AGBL4: variants seen among roughly 807,000 people sequenced by gnomAD.
AGBL4 encodes cytosolic carboxypeptidase 6.
In AGBL4, 58 loss-of-function variants were observed where a neutral mutation model predicts 66.4. That is an observed-to-expected ratio of 0.87 (90% CI 0.71 to 1.09). The LOEUF is 1.09. AGBL4 is among the 50% of genes least tolerant of loss of function. AGBL4 has a pLI of 0.00. For missense variants in AGBL4, 579 were observed against 631.0 expected, an observed-to-expected ratio of 0.92 and a Z score of 0.88; for synonymous variants, 234 against 222.9, an observed-to-expected ratio of 1.05 and a Z score of -0.44.
At chr1:48,592,163 C>A (rs1248622372) in intron 9 of AGBL4, among the ~76,000 whole-genome samples, 1 of 152,142 alleles carries the variant, frequency 6.6e-6, no homozygotes, top group Non-Finnish European at 1.5e-5. Context: ...CACAGAATAA[C>A]GGGGACTGAC....
intron 3 of AGBL4, among the ~76,000 whole-genome samples, chr1:49,451,010 A>G (rs1333373488): frequency 6.6e-6 from 1 of 152,084 alleles, no homozygotes; most frequent in Non-Finnish European, 1.5e-5. Flanking sequence ...TGAAATCAAG[A>G]TATCAGCTGG....
At chr1:49,920,672 A>G (rs908497146) in intron 1 of AGBL4, among the ~76,000 whole-genome samples, 3 of 152,228 alleles carry the variant, frequency 2.0e-5, no homozygotes, top group Non-Finnish European at 2.9e-5. Flanking sequence ...CCATTGTGGA[A>G]GACAGTGTGG....
At position 49,468,194 on chromosome 1, in the gene AGBL4, A is replaced by T. The variant is rs557492541; in HGVS notation, c.283-222330T>A. On this transcript the variant is annotated intron_variant, in intron 3 of 13. Transcript: ENST00000371839. The stretch of plus-strand genomic sequence containing the variant: ...TGAGTATGTAAGGATTTTGGTACAC[A>T]TAAGGTCCTGAAACCAATCCATGAA... Among the ~76,000 whole-genome samples the T allele has an allele frequency of 2.0e-5, 3 of 151,970 alleles. No individual in the cohort carries two copies. In the East Asian group the frequency reaches 5.8e-4, roughly 30 times the overall value.
intron 2 of AGBL4, among the ~76,000 whole-genome samples, chr1:49,719,345 C>T (rs561880222): frequency 6.6e-6 from 1 of 152,232 alleles, no homozygotes; most frequent in East Asian, 1.9e-4. Flanking sequence ...ACAAAGTGTT[C>T]ACCTACGTGA....
chr1:49,073,011 T>C (rs1644640104), intron 4 of AGBL4, among the ~76,000 whole-genome samples: 1 of 152,230 alleles, frequency 6.6e-6, no homozygotes, highest in Admixed American at 6.5e-5. Context: ...CAGTCACTGA[T>C]ATCCTTTCTT....
intron 3 of AGBL4, among the ~76,000 whole-genome samples, chr1:49,504,947 T>G (rs1444014581): frequency 6.6e-6 from 1 of 152,028 alleles, no homozygotes; most frequent in Non-Finnish European, 1.5e-5. Flanking sequence ...CTGTCTTCCC[T>G]GTGATTAAAT....
intron 5 of AGBL4, among the ~76,000 whole-genome samples, chr1:48,990,938 T>C (rs1027619508): frequency 6.6e-6 from 1 of 152,160 alleles, no homozygotes; most frequent in African/African-American, 2.4e-5. Context: ...TCTTGAAAAG[T>C]TGTAGTTATT....
At chr1:49,784,742 T>G (rs988329390) in intron 2 of AGBL4, among the ~76,000 whole-genome samples, 1 of 151,658 alleles carries the variant, frequency 6.6e-6, no homozygotes, top group Non-Finnish European at 1.5e-5. Context: ...AAGACTTATA[T>G]CCAGCACATA....
At chr1:49,656,468 T>A (rs1440950323) in intron 3 of AGBL4, among the ~76,000 whole-genome samples, 1 of 151,984 alleles carries the variant, frequency 6.6e-6, no homozygotes, top group Non-Finnish European at 1.5e-5. Context: ...ACTATTCCAA[T>A]CAATAGAAAA....
rs866533420 is a variant in AGBL4 at position 49,851,414 on chromosome 1, C to T, written c.139G>A (p.Asp47Asn). The change falls in exon 2 of 14, where the codon GAT (aspartate) becomes AAT (asparagine). Residue 47 changes from aspartate (D) to asparagine (N), a missense_variant. By Grantham distance (23) the Asp-to-Asn change is conservative (BLOSUM62 1). Coordinates refer to ENST00000371839, the MANE Select transcript of AGBL4 (RefSeq NM_032785.4). ...GQPKKGHLIF[D>N]ACFESGNLGR... is the part of the protein sequence containing the mutation. ...TACTTACCACTTTCAAAGCAAGCAT[C>T]AAAGATAAGATGTCCTTTCTTGGGC... is the stretch of plus-strand genomic sequence containing the variant. 6.5e-7 allele frequency: 1 copy of T among 1,548,984 alleles called. No homozygotes were observed. Among genetic ancestry groups the T allele is most frequent in the Non-Finnish European group, 8.7e-7 (1 of 1,145,732 alleles).
intron 6 of AGBL4, among the ~76,000 whole-genome samples, chr1:48,732,861 G>A (rs368109943): frequency 1.4e-4 from 21 of 152,306 alleles, no homozygotes; most frequent in African/African-American, 4.8e-4. Context: ...GGACACAGAG[G>A]AGAGGGCCCA....
chr1:48,890,500 T>C (rs1650833816), intron 5 of AGBL4, among the ~76,000 whole-genome samples: 1 of 152,248 alleles, frequency 6.6e-6, no homozygotes, highest in African/African-American at 2.4e-5. Context: ...AAGCAATAGC[T>C]AGGCTACTAG....
At chr1:49,069,938 G>T (rs532660754) in intron 4 of AGBL4, among the ~76,000 whole-genome samples, 3 of 151,758 alleles carry the variant, frequency 2.0e-5, no homozygotes, top group African/African-American at 7.3e-5. Flanking sequence ...TCCGTGAAGC[G>T]GTCCTTCACA....
At chr1:49,773,373 G>C (rs1405014258) in intron 2 of AGBL4, among the ~76,000 whole-genome samples, 1 of 152,056 alleles carries the variant, frequency 6.6e-6, no homozygotes, top group African/African-American at 2.4e-5. Flanking sequence ...CAAGTTTCTT[G>C]TGACTCTACA....
intron 4 of AGBL4, among the ~76,000 whole-genome samples, chr1:49,243,879 T>G (rs560437112): frequency 6.6e-4 from 100 of 151,840 alleles, no homozygotes; most frequent in Non-Finnish European, 8.6e-4. Context: ...AACTCAATTC[T>G]GAAACTTTAG....
At chr1:49,845,693 G>A in intron 2 of AGBL4, 1 of 1,600,172 alleles carries the variant, frequency 6.2e-7, no homozygotes, top group Admixed American at 1.7e-5. Context: ...AAAGCCTTCA[G>A]CCAGAGCACA....
intron 4 of AGBL4, among the ~76,000 whole-genome samples, chr1:49,189,384 A>G (rs1415906547): frequency 1.3e-5 from 2 of 152,194 alleles, no homozygotes; most frequent in African/African-American, 4.8e-5. Context: ...AAGAATGAAC[A>G]GCTGGTTTCC....
At chr1:48,891,056 T>C (rs1006817807) in intron 5 of AGBL4, among the ~76,000 whole-genome samples, 1 of 152,196 alleles carries the variant, frequency 6.6e-6, no homozygotes, top group African/African-American at 2.4e-5. Context: ...CAGTAGGATG[T>C]GGGCTACAAA....
rs371418952 is a variant in AGBL4, at chr1:48,569,635, G to T, written c.1267+17369C>A. On this transcript the variant is annotated intron_variant, in intron 11 of 13. Coordinates refer to ENST00000371839, the MANE Select transcript of AGBL4 (RefSeq NM_032785.4). ...CACTGGTGGGTCTAAACATGGATAA[G>T]GTCATGTTGCTTTAAAGCCATGAAG... Among the ~76,000 whole-genome samples, 6 of 152,286 alleles carry T rather than the reference G, an allele frequency of 3.9e-5. No individual in the cohort carries two copies. In the East Asian group the frequency reaches 5.8e-4, roughly 15 times the overall value.
Sources: allele counts gnomAD v4.1 joint callset (sites outside exome capture counted in the v4.1 genomes callset), GRCh38; gene constraint gnomAD v4.1.1; transcripts MANE v1.5; gene names NCBI Gene and HGNC (gene_info 2026-07-23, HGNC 2026-07-21).